The following IL1RAP variants were observed in gnomAD, a reference collection of about 807,000 sequenced individuals.
IL1RAP encodes the protein interleukin 1 receptor accessory protein, also known as interleukin-1 receptor accessory protein.
IL1RAP carries 35 observed loss-of-function variants against 60.7 expected under a neutral mutation model. The ratio of observed to expected loss-of-function variants is 0.58; its 90% CI spans 0.44 to 0.76. IL1RAP has a LOEUF of 0.76. IL1RAP is among the 30% of genes least tolerant of loss of function. The pLI is 0.00. For missense variants in IL1RAP, 572 were observed against 693.9 expected (o/e 0.82, Z 1.97); for synonymous variants, 268 against 250.9 (o/e 1.07, Z -0.64).
At chr3:190,592,422 A>G (rs533809811) in intron 3 of IL1RAP, among the ~76,000 whole-genome samples, 6 of 152,356 alleles carry the variant, frequency 3.9e-5, no homozygotes, top group African/African-American at 1.4e-4. Context: ...ACCTTCTGGG[A>G]CATAAACACA....
intron 8 of IL1RAP, among the ~76,000 whole-genome samples, chr3:190,628,661 C>T (rs980291814): frequency 8.5e-5 from 13 of 152,162 alleles, no homozygotes; most frequent in South Asian, 4.1e-4. Context: ...GTGTTCATAA[C>T]AGCTTTCTCT....
rs911834906 is a variant in IL1RAP at position 190,529,662 on chromosome 3, C to T, written c.-89+15443C>T. ...ATCGCGCCACTGCACTCCAGCCTGG[C>T]GACAGAGCTAGACTGTCTCAAAAGA... On this transcript the variant is annotated intron_variant, in intron 1 of 11. Coordinates refer to ENST00000447382, the MANE Select transcript of IL1RAP (RefSeq NM_002182.4). Among the ~76,000 whole-genome samples the T allele has an allele frequency of 4.7e-5, 6 of 127,554 alleles. No individual in the cohort carries two copies. The East Asian group carries it at 6.8e-4, about 14-fold the overall frequency. The allele number at this position is 127,554 out of a possible 152,430, so 83.7% of individuals were successfully genotyped here. A position where few individuals can be genotyped will look rare whatever the true frequency, so the allele number is the denominator to read the frequency against.
At chr3:190,600,466 G>C (rs1000375731) in intron 3 of IL1RAP, among the ~76,000 whole-genome samples, 20 of 152,138 alleles carry the variant, frequency 1.3e-4, no homozygotes, top group Non-Finnish European at 2.4e-4. Flanking sequence ...CATGTGCCAG[G>C]ATAGATTATT....
intron 1 of IL1RAP, among the ~76,000 whole-genome samples, chr3:190,543,101 T>C (rs1027507805): frequency 1.3e-5 from 2 of 152,022 alleles, no homozygotes; most frequent in Non-Finnish European, 2.9e-5. Context: ...AATGCAAATG[T>C]ATGTATTATA....
intron 11 of IL1RAP, among the ~76,000 whole-genome samples, chr3:190,646,416 T>A (rs1467915174): frequency 6.6e-6 from 1 of 152,162 alleles, no homozygotes; most frequent in Non-Finnish European, 1.5e-5. Context: ...ATTCCCCTTT[T>A]CCTTGGGTCT....
At chr3:190,611,283 A>G (rs1356217206) in intron 5 of IL1RAP, among the ~76,000 whole-genome samples, 1 of 152,178 alleles carries the variant, frequency 6.6e-6, no homozygotes, top group African/African-American at 2.4e-5. Flanking sequence ...CATATTACCA[A>G]ATTAATTAAA....
chr3:190,576,849 C>A (rs933712834), intron 3 of IL1RAP, among the ~76,000 whole-genome samples: 1 of 151,866 alleles, frequency 6.6e-6, no homozygotes, highest in Non-Finnish European at 1.5e-5. Context: ...CGCGGTGGCT[C>A]ACGCCTGTAA....
intron 3 of IL1RAP, among the ~76,000 whole-genome samples, chr3:190,572,791 A>G (rs1727042739): frequency 1.3e-5 from 2 of 151,470 alleles, no homozygotes; most frequent in African/African-American, 2.4e-5. Flanking sequence ...TAAATATTCC[A>G]GAAGTTTCCT....
intron 3 of IL1RAP, among the ~76,000 whole-genome samples, chr3:190,574,560 T>G (rs1727274485): frequency 6.6e-6 from 1 of 152,232 alleles, no homozygotes; most frequent in Admixed American, 6.5e-5. Context: ...GCTCTGTCCC[T>G]CCACTTAGGT....
chr3:190,627,855 G>GT, intron 8 of IL1RAP, among the ~76,000 whole-genome samples: 1 of 152,002 alleles, frequency 6.6e-6, no homozygotes, highest in Non-Finnish European at 1.5e-5. Context: ...GTGTAGTTGT[G>GT]TTTTTTCCTT....
chr3:190,656,119 G>A (rs1734611704), downstream of IL1RAP: 1 of 1,537,290 alleles, frequency 6.5e-7, no homozygotes, highest in Non-Finnish European at 8.7e-7. Context: ...GAGCTGGAAG[G>A]GAGAAAAGTC....
chr3:190,656,631 C>T (rs1221062098), exon 12 of IL1RAP: 1 of 1,329,934 alleles, frequency 7.5e-7, no homozygotes, highest in Non-Finnish European at 1.0e-6. Flanking sequence ...TGGGTGGTGG[C>T]TACTATCTCT....
chr3:190,595,629 G>A (rs553046246), intron 3 of IL1RAP, among the ~76,000 whole-genome samples: 7 of 152,282 alleles, frequency 4.6e-5, no homozygotes, highest in South Asian at 4.1e-4. Flanking sequence ...GGCTTAGATA[G>A]GACTACTAGC....
chr3:190,617,159 A>G (rs1372293560), intron 5 of IL1RAP, among the ~76,000 whole-genome samples: 1 of 152,112 alleles, frequency 6.6e-6, no homozygotes, highest in South Asian at 2.1e-4. Flanking sequence ...TTTTTATTTC[A>G]TACTCCCTTG....
intron 3 of IL1RAP, among the ~76,000 whole-genome samples, chr3:190,587,938 T>G (rs1383251621): frequency 3.3e-5 from 5 of 152,186 alleles, no homozygotes; most frequent in Non-Finnish European, 7.4e-5. Context: ...AAGGATATAA[T>G]ATGTCTAAAA....
chr3:190,638,841 T>C (rs1170823924), intron 9 of IL1RAP, among the ~76,000 whole-genome samples: 1 of 152,198 alleles, frequency 6.6e-6, no homozygotes, highest in Admixed American at 6.5e-5. Context: ...TTTCTCATTA[T>C]GTTTCTCTGG....
intron 3 of IL1RAP, among the ~76,000 whole-genome samples, chr3:190,595,038 T>G (rs1185072086): frequency 6.6e-6 from 1 of 152,166 alleles, no homozygotes; most frequent in Non-Finnish European, 1.5e-5. Flanking sequence ...TCATTCCTGA[T>G]TCCTCTTACC....
At chr3:190,564,942 A>G (rs1164797530) in intron 3 of IL1RAP, among the ~76,000 whole-genome samples, 1 of 152,156 alleles carries the variant, frequency 6.6e-6, no homozygotes, top group African/African-American at 2.4e-5. Flanking sequence ...GAGACTTGCT[A>G]TTTGAAAGTC....
chr3:190,636,293 A>G (rs937150479), intron 9 of IL1RAP, among the ~76,000 whole-genome samples: 13 of 152,218 alleles, frequency 8.5e-5, no homozygotes, highest in African/African-American at 3.1e-4. Context: ...TTCAGTTATT[A>G]AAAGAGAGAA....
Sources: gnomAD v4.1 joint callset for allele counts (sites outside exome capture counted in the v4.1 genomes callset) on GRCh38, gnomAD v4.1.1 for gene constraint, MANE v1.5 for transcripts, NCBI Gene and HGNC (gene_info 2026-07-23, HGNC 2026-07-21) for gene names.